The following STK10 variants were observed in gnomAD, a reference collection of about 807,000 sequenced individuals.
STK10 encodes serine/threonine kinase 10.
In STK10, 78 loss-of-function variants were observed where a neutral mutation model predicts 113.8. The observed-to-expected ratio is 0.69, with a 90% CI of 0.57 to 0.83. The LOEUF (loss-of-function observed/expected upper bound fraction) is 0.83. STK10 is among the 40% of genes least tolerant of loss of function. The pLI is 0.00. For missense variants in STK10, 1,109 were observed against 1,280.1 expected, an observed-to-expected ratio of 0.87 and a Z score of 2.04; for synonymous variants, 465 against 494.7, an observed-to-expected ratio of 0.94 and a Z score of 0.80.
At chr5:172,152,915 G>A (rs1770267903) in intron 2 of STK10, among the ~76,000 whole-genome samples, 1 of 152,164 alleles carries the variant, frequency 6.6e-6, no homozygotes, top group Non-Finnish European at 1.5e-5. Flanking sequence ...TATACACTGG[G>A]TTAAATAAAT....
chr5:172,051,787 A>G (rs1359920118), intron 18 of STK10, among the ~76,000 whole-genome samples: 2 of 152,158 alleles, frequency 1.3e-5, no homozygotes, highest in African/African-American at 4.8e-5. Context: ...GGTCAAGTCC[A>G]GCCAGCCGTA....
chr5:172,118,765 G>T (rs192544234), intron 3 of STK10, among the ~76,000 whole-genome samples: 1 of 151,812 alleles, frequency 6.6e-6, no homozygotes, highest in Non-Finnish European at 1.5e-5. Flanking sequence ...TGTGATCACA[G>T]CTACTCAGGA....
At chr5:172,091,671 C>T (rs1768709265) in intron 9 of STK10, among the ~76,000 whole-genome samples, 1 of 152,126 alleles carries the variant, frequency 6.6e-6, no homozygotes. Context: ...GCTGGGATTA[C>T]AGGCATGCGC....
At chr5:172,054,509 G>A (rs1309908598) in intron 17 of STK10, 60 bp downstream of exon 17, 4 of 1,582,406 alleles carry the variant, frequency 2.5e-6, no homozygotes, top group Non-Finnish European at 3.4e-6. Context: ...CCTGAGATCT[G>A]ATGGCCTTGG....
At chr5:172,067,569 C>T (rs970452838) in intron 12 of STK10, among the ~76,000 whole-genome samples, 8 of 151,964 alleles carry the variant, frequency 5.3e-5, no homozygotes, top group African/African-American at 1.9e-4. Flanking sequence ...GCTATTATAA[C>T]TGTACTCCAT....
intron 2 of STK10, among the ~76,000 whole-genome samples, chr5:172,136,999 C>T (rs573699582): frequency 1.3e-5 from 2 of 151,912 alleles, no homozygotes; most frequent in Admixed American, 1.3e-4. Context: ...GAACAGGCCC[C>T]GGTGTGTGAT....
chr5:172,162,760 C>T (rs995250908), intron 1 of STK10, among the ~76,000 whole-genome samples: 1 of 152,182 alleles, frequency 6.6e-6, no homozygotes, highest in Non-Finnish European at 1.5e-5. Flanking sequence ...ATCTTTCAGT[C>T]CTGAAAGCTG....
intron 1 of STK10, among the ~76,000 whole-genome samples, chr5:172,158,999 C>T (rs751318120): frequency 3.9e-5 from 6 of 152,164 alleles, no homozygotes; most frequent in Non-Finnish European, 1.5e-5. Context: ...TTTAATGCCA[C>T]TAAATTTACA....
At chr5:172,132,065 G>A (rs927501524) in intron 2 of STK10, among the ~76,000 whole-genome samples, 1 of 152,212 alleles carries the variant, frequency 6.6e-6, no homozygotes, top group Non-Finnish European at 1.5e-5. Context: ...CCAGAGCCAT[G>A]AGCTAGATAA....
intron 14 of STK10, among the ~76,000 whole-genome samples, chr5:172,060,411 A>T (rs986089968): frequency 6.6e-6 from 1 of 152,130 alleles, no homozygotes; most frequent in Admixed American, 6.6e-5. Flanking sequence ...TGTCTCAATA[A>T]ATAAATAAAT....
chr5:172,138,215 G>A lies in STK10; in HGVS notation c.322-10794C>T, dbSNP rs544721029. The stretch of plus-strand genomic sequence containing the variant: ...TGGCTCACTGCAACTTCCGCCTCCC[G>A]GGTTCAAGCAATTCTCCTGCTTCAG... On this transcript the variant is annotated intron_variant, in intron 2 of 18. Coordinates refer to ENST00000176763, the MANE Select transcript of STK10 (RefSeq NM_005990.4). Among the ~76,000 whole-genome samples, 134 of 152,144 alleles carry A rather than the reference G, an allele frequency of 8.8e-4. 1 individual carries two copies. The South Asian group carries it at 0.027, about 30-fold the overall frequency.
At chr5:172,064,537 G>A in intron 13 of STK10, 183 bp downstream of exon 13, 1 of 628,974 alleles carries the variant, frequency 1.6e-6, no homozygotes, top group Non-Finnish European at 2.8e-6. Flanking sequence ...GATGGAGGCA[G>A]GGCAATCGAG....
At chr5:172,158,531 G>A (rs1210836147) in intron 1 of STK10, among the ~76,000 whole-genome samples, 1 of 152,150 alleles carries the variant, frequency 6.6e-6, no homozygotes, top group Non-Finnish European at 1.5e-5. Context: ...GGAGGCTGAG[G>A]CAGGAGAATC....
At chr5:172,048,834 C>T (rs948324820) in intron 18 of STK10, among the ~76,000 whole-genome samples, 8 of 152,108 alleles carry the variant, frequency 5.3e-5, no homozygotes, top group Admixed American at 2.0e-4. Flanking sequence ...CGCAGGCCCC[C>T]CACCCCTCTG....
chr5:172,161,173 C>A (rs779503534), intron 1 of STK10, among the ~76,000 whole-genome samples: 1 of 152,058 alleles, frequency 6.6e-6, no homozygotes. Context: ...AGGGGTGGGC[C>A]GGGTGTGGTG....
intron 4 of STK10, among the ~76,000 whole-genome samples, chr5:172,115,541 C>G (rs536781168): frequency 1.1e-3 from 167 of 152,320 alleles, no homozygotes; most frequent in African/African-American, 3.8e-3. Context: ...TATTTCTTCT[C>G]CAATTTGGCT....
intron 2 of STK10, among the ~76,000 whole-genome samples, chr5:172,153,151 T>C (rs1770272835): frequency 6.6e-6 from 1 of 152,074 alleles, no homozygotes; most frequent in African/African-American, 2.4e-5. Context: ...CCAGGGGTAG[T>C]GGTGCATGCC....
chr5:172,051,057 G>A (rs1767615403), intron 18 of STK10, among the ~76,000 whole-genome samples: 1 of 150,828 alleles, frequency 6.6e-6, no homozygotes, highest in South Asian at 2.1e-4. Context: ...AGGTTGCAGT[G>A]AACCGAGATA....
At chr5:172,185,376 C>A (rs1256543955) in intron 1 of STK10, among the ~76,000 whole-genome samples, 1 of 152,146 alleles carries the variant, frequency 6.6e-6, no homozygotes, top group African/African-American at 2.4e-5. Context: ...TCAAACGTTT[C>A]TCTTGCCTCA....
Sources: gnomAD v4.1 joint callset for allele counts (sites outside exome capture counted in the v4.1 genomes callset) on GRCh38, gnomAD v4.1.1 for gene constraint, MANE v1.5 for transcripts, NCBI Gene and HGNC (gene_info 2026-07-23, HGNC 2026-07-21) for gene names.